Variants in ZNF385D observed in about 807,000 individuals in gnomAD.
The protein encoded by ZNF385D is zinc finger protein 385D.
ZNF385D carries 15 observed loss-of-function variants against 35.8 expected under a neutral mutation model. The ratio of observed to expected loss-of-function variants is 0.42; its 90% CI spans 0.28 to 0.64. ZNF385D has a LOEUF of 0.64. Among genes scored for constraint, ZNF385D ranks in the 30% least tolerant of loss-of-function variants. The pLI, the probability that ZNF385D is intolerant of heterozygous loss-of-function variation, is 0.23. For missense variants in ZNF385D, 474 were observed against 494.6 expected, an observed-to-expected ratio of 0.96 and a Z score of 0.39; for synonymous variants, 212 against 186.8, an observed-to-expected ratio of 1.13 and a Z score of -1.10.
intron 3 of ZNF385D, among the ~76,000 whole-genome samples, chr3:21,521,381 A>T (rs779417761): frequency 1.4e-4 from 22 of 152,220 alleles, no homozygotes; most frequent in Non-Finnish European, 2.1e-4. Context: ...CAGTTACTGC[A>T]CACCAGATGC....
intron 2 of ZNF385D, among the ~76,000 whole-genome samples, chr3:22,323,356 A>G (rs1575118447): frequency 6.6e-6 from 1 of 152,164 alleles, no homozygotes; most frequent in African/African-American, 2.4e-5. Flanking sequence ...ATAAGGCCCC[A>G]CAAAGTTCAT....
intron 3 of ZNF385D, among the ~76,000 whole-genome samples, chr3:21,996,713 A>T (rs1249174356): frequency 6.6e-6 from 1 of 152,172 alleles, no homozygotes; most frequent in Non-Finnish European, 1.5e-5. Flanking sequence ...TTTATATTGG[A>T]AAGTGTAATT....
At chr3:22,182,189 AACT>A (rs1469464779) in intron 2 of ZNF385D, among the ~76,000 whole-genome samples, 3 of 152,202 alleles carry the variant, frequency 2.0e-5, no homozygotes, top group African/African-American at 7.2e-5. Context: ...ATAAATACAT[AACT>A]ACTATACCAA....
At chr3:22,232,838 T>C (rs1200055984) in intron 2 of ZNF385D, among the ~76,000 whole-genome samples, 1 of 152,226 alleles carries the variant, frequency 6.6e-6, no homozygotes, top group African/African-American at 2.4e-5. Context: ...ATTTACATTT[T>C]CTCTACTGTC....
chr3:21,526,350 C>G (rs975895260), intron 3 of ZNF385D, among the ~76,000 whole-genome samples: 1 of 152,114 alleles, frequency 6.6e-6, no homozygotes, highest in African/African-American at 2.4e-5. Flanking sequence ...CATTGCTCTT[C>G]CATTTCCTAA....
chr3:22,196,507 A>T (rs150209980), intron 2 of ZNF385D, among the ~76,000 whole-genome samples: 1 of 151,492 alleles, frequency 6.6e-6, no homozygotes, highest in African/African-American at 2.4e-5. Context: ...TGACTGAACT[A>T]TTTTGTTTTT....
At chr3:21,855,071 G>A (rs3914314) in intron 3 of ZNF385D, among the ~76,000 whole-genome samples, 5,827 of 151,714 alleles carry the variant, frequency 0.038, 394 homozygotes, top group African/African-American at 0.13. Context: ...TTTTCTCAGT[G>A]GCTTCTCAGA....
chr3:21,791,678 T>A (rs2071931332), intron 3 of ZNF385D, among the ~76,000 whole-genome samples: 1 of 152,192 alleles, frequency 6.6e-6, no homozygotes, highest in African/African-American at 2.4e-5. Context: ...TAATACAAAG[T>A]TTAGAAAGTT....
intron 2 of ZNF385D, among the ~76,000 whole-genome samples, chr3:21,663,037 C>G (rs527514158): frequency 6.6e-6 from 1 of 152,058 alleles, no homozygotes; most frequent in Non-Finnish European, 1.5e-5. Flanking sequence ...AAGGTCTTAT[C>G]GATGGTAACA....
chr3:22,007,564 C>T (rs1696289467), intron 3 of ZNF385D, among the ~76,000 whole-genome samples: 1 of 152,104 alleles, frequency 6.6e-6, no homozygotes, highest in Non-Finnish European at 1.5e-5. Flanking sequence ...AAAAATATTG[C>T]CAAATTCCTC....
At chr3:22,011,119 TAG>T (rs1171058820) in intron 3 of ZNF385D, among the ~76,000 whole-genome samples, 3 of 152,176 alleles carry the variant, frequency 2.0e-5, no homozygotes, top group Non-Finnish European at 2.9e-5. Context: ...AATAATTTCT[TAG>T]AGTTTGATTT....
intron 3 of ZNF385D, among the ~76,000 whole-genome samples, chr3:21,964,038 T>C (rs1053580605): frequency 6.6e-6 from 1 of 152,132 alleles, no homozygotes; most frequent in Non-Finnish European, 1.5e-5. Flanking sequence ...GCGGGCAAAG[T>C]ATTCTGCACA....
chr3:21,824,948 T>C (rs1694505583), intron 3 of ZNF385D, among the ~76,000 whole-genome samples: 1 of 152,202 alleles, frequency 6.6e-6, no homozygotes, highest in Admixed American at 6.5e-5. Context: ...AAAATTACTT[T>C]TGTTAAAAAT....
intron 2 of ZNF385D, among the ~76,000 whole-genome samples, chr3:22,191,923 G>A (rs1696063833): frequency 1.3e-5 from 2 of 151,838 alleles, no homozygotes; most frequent in African/African-American, 2.4e-5. Flanking sequence ...AAAAAACAAT[G>A]GTAATTTCCA....
intron 1 of ZNF385D, among the ~76,000 whole-genome samples, chr3:21,677,157 G>A (rs529919707): frequency 1.3e-5 from 2 of 152,174 alleles, no homozygotes; most frequent in South Asian, 4.1e-4. Flanking sequence ...TAATCAGTGG[G>A]ACTTGTCATT....
At chr3:22,370,086 G>A (rs994746226) in intron 2 of ZNF385D, among the ~76,000 whole-genome samples, 1 of 152,178 alleles carries the variant, frequency 6.6e-6, no homozygotes, top group African/African-American at 2.4e-5. Context: ...GCAAGTCACA[G>A]CAGGGGTAGT....
intron 2 of ZNF385D, among the ~76,000 whole-genome samples, chr3:22,200,410 G>A (rs573763758): frequency 6.6e-6 from 1 of 152,156 alleles, no homozygotes; most frequent in South Asian, 2.1e-4. Context: ...GTTTTTATTA[G>A]GGAGTTTCAA....
At chr3:22,264,971 C>A (rs986555645) in intron 2 of ZNF385D, among the ~76,000 whole-genome samples, 1 of 151,858 alleles carries the variant, frequency 6.6e-6, no homozygotes, top group African/African-American at 2.4e-5. Flanking sequence ...GCTCCAGACT[C>A]CTCTTCTCTC....
intron 3 of ZNF385D, among the ~76,000 whole-genome samples, chr3:21,997,620 TGTAA>T (rs1189581790): frequency 2.0e-4 from 30 of 149,924 alleles, no homozygotes; most frequent in African/African-American, 3.9e-4. Flanking sequence ...AGAGAGAGAG[TGTAA>T]GTGTTTCATG....
Sources: allele counts gnomAD v4.1 joint callset (sites outside exome capture counted in the v4.1 genomes callset), GRCh38; gene constraint gnomAD v4.1.1; transcripts MANE v1.5; gene names NCBI Gene and HGNC (gene_info 2026-07-23, HGNC 2026-07-21).